Variants in ANKRD46 observed in about 807,000 individuals in gnomAD.
ANKRD46 encodes the protein ankyrin repeat domain 46, also known as ankyrin repeat domain-containing protein 46.
ANKRD46 carries 13 observed loss-of-function variants against 19.8 expected under a neutral mutation model. That is an observed-to-expected ratio of 0.66 (90% CI 0.43 to 1.04). The LOEUF is 1.04. Ranked by LOEUF, ANKRD46 falls within the 50% of genes least tolerant of loss-of-function variation. The pLI is 0.00. For synonymous variants in ANKRD46, 91 were observed against 106.9 expected, an observed-to-expected ratio of 0.85 and a Z score of 0.92; for missense variants, 185 against 274.8, an observed-to-expected ratio of 0.67 and a Z score of 2.31.
rs528158358 is a variant in ANKRD46, at chr8:100,524,356, A to C, written c.471-1585T>G. 6.6e-6 allele frequency among the ~76,000 whole-genome samples: 1 copy of C among 152,366 alleles called. No individual in the cohort carries two copies. The highest frequency in any genetic ancestry group is 6.5e-5 in the Admixed American group (1 of 15,306). On this transcript the variant is annotated intron_variant, in intron 4 of 4. Transcript: ENST00000335659. The surrounding 1 kb of genome is among the most constrained non-coding windows in gnomAD (Gnocchi z 4.3). The stretch of plus-strand genomic sequence containing the variant: ...CATTCATTATGAACTATGAATAAAC[A>C]TGCAAAACTGACATTTTTTAACCTA...
chr8:100,521,793 G>C lies in ANKRD46; in HGVS notation c.*762C>G. 1.0e-6 allele frequency: 1 copy of C among 985,314 alleles called. No individual in the cohort carries two copies. Among genetic ancestry groups the C allele is most frequent in the Non-Finnish European group, 1.2e-6 (1 of 829,830 alleles). The allele number at this position is 985,314 out of a possible 1,614,324, so 61.0% of individuals were successfully genotyped here. A position where few individuals can be genotyped will look rare whatever the true frequency, so the allele number is the denominator to read the frequency against. On this transcript the variant is annotated 3_prime_UTR_variant, in exon 5 of 5. Transcript: ENST00000335659. ...TCAGTAGAAAAAGGATTTTCTGACT[G>C]TAATTCTGATGAACTGTTATCTTTG...
intron 4 of ANKRD46, among the ~76,000 whole-genome samples, chr8:100,523,485 C>T (rs965106601): frequency 6.6e-6 from 1 of 151,882 alleles, no homozygotes; most frequent in Non-Finnish European, 1.5e-5. Flanking sequence ...TAAAAAGTCA[C>T]TTATACAGTG....
intron 1 of ANKRD46, among the ~76,000 whole-genome samples, chr8:100,555,454 A>G (rs903814184): frequency 6.6e-6 from 1 of 151,748 alleles, no homozygotes; most frequent in African/African-American, 2.4e-5. Flanking sequence ...GGGTGGGGGA[A>G]AAAACAGTAT....
rs1237688097 is a variant in ANKRD46, at chr8:100,543,147, A to C, written c.-130-9836T>G. Among the ~76,000 whole-genome samples, 1 of 152,180 alleles carries C rather than the reference A, an allele frequency of 6.6e-6. No homozygotes were observed. The highest frequency in any genetic ancestry group is 1.5e-5 in the Non-Finnish European group (1 of 68,028). The stretch of plus-strand genomic sequence containing the variant: ...GACTAACATGGGAAAGAATTGTCAA[A>C]GACTATGGATCTTAAGTTTTAATAG... On this transcript the variant is annotated intron_variant, in intron 1 of 4. Transcript: ENST00000335659. This position sits in a 1 kb window ranked among gnomAD's most constrained non-coding sequence, Gnocchi z 4.2.
At chr8:100,531,619 A>G (rs1285041572) in intron 2 of ANKRD46, among the ~76,000 whole-genome samples, 4 of 152,082 alleles carry the variant, frequency 2.6e-5, no homozygotes, top group African/African-American at 9.7e-5. Flanking sequence ...TTATACCTGA[A>G]TTTCAGTGAG....
intron 1 of ANKRD46, chr8:100,556,724 C>T (rs1463556994): frequency 6.6e-6 from 1 of 152,230 alleles, no homozygotes; most frequent in Admixed American, 6.5e-5. Flanking sequence ...CAATGGTCAT[C>T]TCCTAGTCTT....
intron 1 of ANKRD46, chr8:100,551,835 T>C (rs1812397184): frequency 5.3e-6 from 2 of 374,606 alleles, no homozygotes; most frequent in African/African-American, 2.1e-5. Flanking sequence ...TGGATAACAG[T>C]CTTCATCATA....
chr8:100,529,955 C>A lies in ANKRD46; in HGVS notation c.-27-95G>T. ...AGCAATATTTCTCATCCTTTTTGGC[C>A]TCCTGCCTCTAATAAATAAATGACC... is the stretch of plus-strand genomic sequence containing the variant. On this transcript the variant is annotated intron_variant, in intron 2 of 4. Transcript: ENST00000335659. This position sits in a 1 kb window ranked among gnomAD's most constrained non-coding sequence, Gnocchi z 5.8. 1 of 869,194 alleles carries A rather than the reference C, an allele frequency of 1.2e-6. No individual in the cohort carries two copies. Among genetic ancestry groups the A allele is most frequent in the Non-Finnish European group, 1.7e-6 (1 of 583,854 alleles). The allele number at this position is 869,194 out of a possible 1,614,324, so 53.8% of individuals were successfully genotyped here.
chr8:100,551,330 G>T, intron 1 of ANKRD46: 1 of 558,810 alleles, frequency 1.8e-6, no homozygotes. Context: ...TTATGAATAT[G>T]GGGGCATCAG....
intron 2 of ANKRD46, among the ~76,000 whole-genome samples, chr8:100,531,510 G>C (rs1046090589): frequency 1.3e-5 from 2 of 152,118 alleles, no homozygotes; most frequent in Admixed American, 1.3e-4. Context: ...GAAAGAGTGG[G>C]CATTAACATA....
At chr8:100,530,486 C>T (rs1229402524) in intron 2 of ANKRD46, among the ~76,000 whole-genome samples, 3 of 151,874 alleles carry the variant, frequency 2.0e-5, no homozygotes, top group Non-Finnish European at 4.4e-5. Context: ...CGAGTTCAAG[C>T]GATTCTCCTG....
rs538051752 is a variant in ANKRD46 at position 100,541,156 on chromosome 8, C to T, written c.-130-7845G>A. Among the ~76,000 whole-genome samples the T allele has an allele frequency of 1.5e-4, 22 of 151,500 alleles. 1 individual carries two copies. The highest frequency in any genetic ancestry group is 5.3e-4 in the African/African-American group (22 of 41,238). ...AAGTTCAATTTTCCTTTTAAAAAAA[C>T]TTTTCAAGAAAATTAATAGCAAAAA... On this transcript the variant is annotated intron_variant, in intron 1 of 4. Coordinates refer to ENST00000335659, the MANE Select transcript of ANKRD46 (RefSeq NM_001270377.2).
downstream of ANKRD46, among the ~76,000 whole-genome samples, chr8:100,516,994 G>A (rs1042479816): frequency 7.9e-5 from 12 of 152,138 alleles, no homozygotes; most frequent in African/African-American, 2.9e-4. Context: ...CAGCTCTGCC[G>A]CTTACTGGCC....
At position 100,555,722 on chromosome 8, in the gene ANKRD46, T is replaced by TAAAAAAAAAAAAA. The variant is rs59521764; in HGVS notation, c.-131+3976_-131+3988dup. 1.3e-3 allele frequency among the ~76,000 whole-genome samples: 68 copies of TAAAAAAAAAAAAA among 53,306 alleles called. 6 individuals carry two copies. Among genetic ancestry groups the TAAAAAAAAAAAAA allele is most frequent in the South Asian group, 2.4e-3 (2 of 844 alleles). 35.0% of individuals were successfully genotyped at this position (53,306 alleles called of 152,430 possible). A position where few individuals can be genotyped will look rare whatever the true frequency, so the allele number is the denominator to read the frequency against. On this transcript the variant is annotated intron_variant, in intron 1 of 4. Transcript: ENST00000335659. ...GCACCAACTTAATATTTTCCTCAGC[T>TAAAAAAAAAAAAA]AAAAAAAAAAAAAAAAAAAAAAAAA...
chr8:100,551,590 A>G, intron 1 of ANKRD46: 1 of 737,692 alleles, frequency 1.4e-6, no homozygotes, highest in Middle Eastern at 4.1e-4. Context: ...CAGACCATGT[A>G]GTTGAGGTCA....
At chr8:100,549,141 T>C (rs940454105) in intron 1 of ANKRD46, among the ~76,000 whole-genome samples, 2 of 107,454 alleles carry the variant, frequency 1.9e-5, no homozygotes, top group African/African-American at 6.2e-5. Context: ...TAGTTCAGAA[T>C]TTTTTTTTAA....
chr8:100,523,410 A>G (rs1054679717), intron 4 of ANKRD46, among the ~76,000 whole-genome samples: 17 of 150,284 alleles, frequency 1.1e-4, no homozygotes, highest in Non-Finnish European at 4.4e-5. Flanking sequence ...TTGATCTCAG[A>G]CTTCTAGGCC....
chr8:100,542,905 G>A (rs967062416), intron 1 of ANKRD46, among the ~76,000 whole-genome samples: 2 of 151,986 alleles, frequency 1.3e-5, no homozygotes, highest in Non-Finnish European at 2.9e-5. Flanking sequence ...ATAAGACAGC[G>A]AATTACAGCA....
At chr8:100,551,350 T>C (rs1024831220) in intron 1 of ANKRD46, 25 of 574,866 alleles carry the variant, frequency 4.3e-5, no homozygotes, top group Middle Eastern at 1.1e-3. Flanking sequence ...GCAGAGGGGG[T>C]AGAGATGATG....
Sources: allele counts gnomAD v4.1 joint callset (sites outside exome capture counted in the v4.1 genomes callset), GRCh38; gene constraint gnomAD v4.1.1; non-coding constraint Gnocchi (gnomAD v3.1); transcripts MANE v1.5; gene names NCBI Gene and HGNC (gene_info 2026-07-23, HGNC 2026-07-21).